The following WDPCP variants were observed in gnomAD, a reference collection of about 807,000 sequenced individuals.
WDPCP encodes the protein WD repeat containing planar cell polarity effector, also known as WD repeat-containing and planar cell polarity effector protein fritz homolog.
Under a neutral mutation model 93.1 loss-of-function variants are expected in WDPCP, and 71 were observed. The ratio of observed to expected loss-of-function variants is 0.76; its 90% CI spans 0.63 to 0.93. The LOEUF (loss-of-function observed/expected upper bound fraction) is 0.93. WDPCP is among the 40% of genes least tolerant of loss of function. The pLI, the probability that WDPCP is intolerant of heterozygous loss-of-function variation, is 0.00. For missense variants in WDPCP, 844 were observed against 887.4 expected, an observed-to-expected ratio of 0.95 and a Z score of 0.62; for synonymous variants, 315 against 315.0, an observed-to-expected ratio of 1.00 and a Z score of 0.00.
rs149923437 is a variant in WDPCP, at chr2:63,747,220, T to A, written n.308+66402A>T. Among the ~76,000 whole-genome samples the A allele has an allele frequency of 4.1e-3, 625 of 152,318 alleles. 3 individuals carry two copies. Among genetic ancestry groups the A allele is most frequent in the African/African-American group, 0.014 (585 of 41,570 alleles). ...AACATATGCTACAAATATTTTCTAC[T>A]AATTTGTAACTTGTCTTTGCACTTT... On this transcript the variant is annotated intron_variant and non_coding_transcript_variant, in intron 2 of 4. Coordinates refer to the WDPCP transcript ENST00000467687.
chr2:63,433,992 T>C lies in WDPCP; in HGVS notation c.634-56A>G, dbSNP rs550364410. 5 of 1,546,104 alleles carry C rather than the reference T, an allele frequency of 3.2e-6. No individual in the cohort carries two copies. In the South Asian group the frequency reaches 5.7e-5, roughly 18 times the overall value. On this transcript the variant is annotated intron_variant, in intron 8 of 17. Coordinates refer to ENST00000272321, the MANE Select transcript of WDPCP (RefSeq NM_015910.7). ...ATTTCTTTTAAAAGATGCAAAATCCTCAAGTATTACAAAAATTAAAGCATC... is the reference window on the plus strand; with the variant it reads ...ATTTCTTTTAAAAGATGCAAAATCCCCAAGTATTACAAAAATTAAAGCATC...
chr2:63,376,517 C>CA (rs150277705), intron 12 of WDPCP, among the ~76,000 whole-genome samples: 2,369 of 151,960 alleles, frequency 0.016, 59 homozygotes, highest in African/African-American at 0.055. Flanking sequence ...CATAAAATCT[C>CA]AGAGGCCAGA....
chr2:63,837,478 T>G, the WDPCP span, among the ~76,000 whole-genome samples: 3 of 152,198 alleles, frequency 2.0e-5, no homozygotes, highest in African/African-American at 7.2e-5. Context: ...GCTAAACACT[T>G]TGGGCATGAC....
At chr2:63,604,872 G>A (rs756694905) in intron 3 of WDPCP, 24 of 1,613,636 alleles carry the variant, frequency 1.5e-5, no homozygotes, top group South Asian at 7.7e-5. Flanking sequence ...AATTTGTCAC[G>A]GTAAGAAAAA....
intron 14 of WDPCP, among the ~76,000 whole-genome samples, chr2:63,256,336 G>A (rs912946448): frequency 3.3e-5 from 5 of 152,066 alleles, no homozygotes. Context: ...TAGACAAACA[G>A]AGTAATAAAA....
At chr2:63,721,133 C>CTAA (rs1302707113) in intron 2 of WDPCP, among the ~76,000 whole-genome samples, 1 of 152,226 alleles carries the variant, frequency 6.6e-6, no homozygotes, top group Non-Finnish European at 1.5e-5. Flanking sequence ...AGTTCAAACA[C>CTAA]TGATTTAGAT....
At chr2:63,756,865 T>A (rs947276724) in intron 2 of WDPCP, among the ~76,000 whole-genome samples, 6 of 152,202 alleles carry the variant, frequency 3.9e-5, no homozygotes, top group African/African-American at 1.4e-4. Context: ...AGAAGTCAAG[T>A]AACCTGCTTA....
At chr2:63,562,798 C>A (rs1459082992) in intron 1 of WDPCP, among the ~76,000 whole-genome samples, 1 of 152,138 alleles carries the variant, frequency 6.6e-6, no homozygotes, top group Non-Finnish European at 1.5e-5. Context: ...CAAAATGTCC[C>A]AGATTTGGCC....
chr2:63,293,546 C>T (rs1191873684), intron 13 of WDPCP, among the ~76,000 whole-genome samples: 1 of 151,534 alleles, frequency 6.6e-6, no homozygotes, highest in Non-Finnish European at 1.5e-5. Context: ...CAGAAACTGT[C>T]CCTGAAAAAA....
At chr2:63,803,262 G>C (rs1046692701) in intron 2 of WDPCP, among the ~76,000 whole-genome samples, 2 of 152,132 alleles carry the variant, frequency 1.3e-5, no homozygotes, top group African/African-American at 2.4e-5. Context: ...AGTATGACCT[G>C]TGTATTTTAA....
At chr2:63,587,558 T>C (rs1176760431) in intron 1 of WDPCP, among the ~76,000 whole-genome samples, 2 of 152,254 alleles carry the variant, frequency 1.3e-5, no homozygotes, top group East Asian at 3.8e-4. Context: ...GTTCTAACAA[T>C]GTTATCTAAT....
At chr2:63,176,086 C>T (rs1196953812) in intron 14 of WDPCP, among the ~76,000 whole-genome samples, 1 of 152,114 alleles carries the variant, frequency 6.6e-6, no homozygotes, top group Non-Finnish European at 1.5e-5. Context: ...CCTTGACAAA[C>T]TTGTTATTTT....
chr2:63,372,696 G>A (rs1471852328), intron 12 of WDPCP, among the ~76,000 whole-genome samples: 2 of 152,000 alleles, frequency 1.3e-5, no homozygotes, highest in African/African-American at 2.4e-5. Context: ...ATTGACAGTG[G>A]ACTTTTGTGT....
rs537690645 is a variant in WDPCP at position 63,783,809 on chromosome 2, A to G, written n.308+29813T>C. Among the ~76,000 whole-genome samples the G allele has an allele frequency of 1.2e-4, 18 of 152,220 alleles. No homozygotes were observed. The South Asian group carries it at 3.7e-3, about 32-fold the overall frequency. On this transcript the variant is annotated intron_variant and non_coding_transcript_variant, in intron 2 of 4. Transcript: ENST00000467687. The stretch of plus-strand genomic sequence containing the variant: ...GTGCTGGATGATGGGAAATTACTTA[A>G]TGGGTACAATGACCATTATTTAAGT...
chr2:63,700,744 C>A (rs1007842191), intron 2 of WDPCP, among the ~76,000 whole-genome samples: 3 of 152,122 alleles, frequency 2.0e-5, no homozygotes, highest in African/African-American at 7.2e-5. Flanking sequence ...CATTTCAACG[C>A]AGACACCAAG....
At chr2:63,319,329 A>G (rs1468695558) in intron 12 of WDPCP, among the ~76,000 whole-genome samples, 2 of 152,196 alleles carry the variant, frequency 1.3e-5, no homozygotes, top group Non-Finnish European at 2.9e-5. Context: ...AATCTTCTGT[A>G]TATACAAAAA....
At chr2:63,680,238 G>A (rs537264427) in intron 2 of WDPCP, among the ~76,000 whole-genome samples, 1 of 152,350 alleles carries the variant, frequency 6.6e-6, no homozygotes, top group East Asian at 1.9e-4. Flanking sequence ...CACGGTACCT[G>A]GTTTTAATTT....
intron 1 of WDPCP, among the ~76,000 whole-genome samples, chr2:63,561,690 C>A (rs1706640216): frequency 6.6e-6 from 1 of 151,892 alleles, no homozygotes; most frequent in South Asian, 2.1e-4. Flanking sequence ...AAAAAACAAC[C>A]CCACTAAGAA....
At chr2:63,469,557 T>C (rs576510045) in intron 6 of WDPCP, among the ~76,000 whole-genome samples, 29 of 152,318 alleles carry the variant, frequency 1.9e-4, no homozygotes, top group African/African-American at 6.0e-4. Flanking sequence ...GGAACATGGA[T>C]AGCGCTGGAG....
Sources: allele counts gnomAD v4.1 joint callset (sites outside exome capture counted in the v4.1 genomes callset), GRCh38; gene constraint gnomAD v4.1.1; transcripts MANE v1.5; gene names NCBI Gene and HGNC (gene_info 2026-07-23, HGNC 2026-07-21).